Variants in KAZN observed in about 807,000 individuals in gnomAD.
KAZN encodes kazrin, periplakin interacting protein.
In KAZN, 40 loss-of-function variants were observed where a neutral mutation model predicts 87.4. The ratio of observed to expected loss-of-function variants is 0.46; its 90% confidence interval spans 0.36 to 0.60. The LOEUF (loss-of-function observed/expected upper bound fraction) is 0.60. Ranked by LOEUF, KAZN falls within the 20% of genes least tolerant of loss-of-function variation. The pLI is 0.00. For missense variants in KAZN, 898 were observed against 1,073.9 expected (o/e 0.84, Z 2.29); for synonymous variants, 466 against 458.3 (o/e 1.02, Z -0.22).
rs376898873 is a variant in KAZN at position 14,819,010 on chromosome 1, G to A, written c.227-141674G>A. 3.9e-5 allele frequency among the ~76,000 whole-genome samples: 6 copies of A among 152,234 alleles called. No individual in the cohort carries two copies. The South Asian group carries it at 8.3e-4, about 21-fold the overall frequency. On this transcript the variant is annotated intron_variant, in intron 1 of 14. Transcript: ENST00000376030. ...GCAAACGCCGCAGTGAGCCGAGATC[G>A]TGCCATTGCACTCCAGCCTGGGCAA...
chr1:14,808,743 G>T (rs1572539094), intron 1 of KAZN, among the ~76,000 whole-genome samples: 1 of 152,274 alleles, frequency 6.6e-6, no homozygotes, highest in East Asian at 1.9e-4. Context: ...ACAGATAACA[G>T]AATACCCAAC....
chr1:14,792,472 T>A (rs1038994653), intron 1 of KAZN, among the ~76,000 whole-genome samples: 5 of 152,032 alleles, frequency 3.3e-5, no homozygotes, highest in African/African-American at 7.2e-5. Context: ...TTGGAAGAAG[T>A]CTACAGCCAT....
chr1:14,340,968 A>G (rs1279165702), intron 2 of KAZN, among the ~76,000 whole-genome samples: 2 of 135,522 alleles, frequency 1.5e-5, no homozygotes, highest in African/African-American at 5.8e-5. Context: ...ACTCACTGCA[A>G]CCTCTGCCTC....
chr1:14,168,275 T>C (rs6692603), intron 1 of KAZN, among the ~76,000 whole-genome samples: 22,106 of 152,136 alleles, frequency 0.15, 1,824 homozygotes, highest in East Asian at 0.33. Context: ...GCCTTGGTAA[T>C]GCTGGGAACC....
At chr1:14,380,449 C>T (rs1661272284) in intron 2 of KAZN, among the ~76,000 whole-genome samples, 2 of 152,122 alleles carry the variant, frequency 1.3e-5, no homozygotes, top group African/African-American at 2.4e-5. Context: ...GTTGAAGAAA[C>T]TTAAAGAAAT....
chr1:14,667,318 C>G (rs1019837609), intron 1 of KAZN, among the ~76,000 whole-genome samples: 1 of 152,172 alleles, frequency 6.6e-6, no homozygotes, highest in South Asian at 2.1e-4. Flanking sequence ...CTTGAAGGCG[C>G]GGACCTCCAG....
At chr1:14,437,488 C>G (rs1229359735) in intron 2 of KAZN, among the ~76,000 whole-genome samples, 3 of 152,212 alleles carry the variant, frequency 2.0e-5, no homozygotes, top group African/African-American at 7.2e-5. Context: ...TGTTCTCGCT[C>G]TTTCTCACCT....
At chr1:14,140,305 C>T (rs1645208411) in intron 1 of KAZN, among the ~76,000 whole-genome samples, 1 of 152,026 alleles carries the variant, frequency 6.6e-6, no homozygotes, top group Non-Finnish European at 1.5e-5. Flanking sequence ...CAATAAGACA[C>T]ATGGCTATGA....
At chr1:13,936,165 C>T (rs539900437) in intron 1 of KAZN, among the ~76,000 whole-genome samples, 1 of 124,560 alleles carries the variant, frequency 8.0e-6, no homozygotes, top group East Asian at 2.7e-4. Context: ...GGTGCGATCT[C>T]GGCACACCAC....
rs12076696 is a variant in KAZN, at chr1:14,203,330, A to G, written c.249+22738A>G. Among the ~76,000 whole-genome samples, 1,334 of 152,292 alleles carry G rather than the reference A, an allele frequency of 8.8e-3. 14 individuals carry two copies. Among genetic ancestry groups the G allele is most frequent in the African/African-American group, 0.031 (1,274 of 41,554 alleles). On this transcript the variant is annotated intron_variant, in intron 2 of 16. Transcript: ENST00000636203. Reference sequence around the variant, plus strand: ...TAGAGAATGGCTTCAGGGCACAGCCATGAACCTAAGTCGTAAGCCCTTTTC... The same window carrying G: ...TAGAGAATGGCTTCAGGGCACAGCCGTGAACCTAAGTCGTAAGCCCTTTTC...
At chr1:13,946,591 C>G (rs958905632) in intron 1 of KAZN, among the ~76,000 whole-genome samples, 1 of 152,108 alleles carries the variant, frequency 6.6e-6, no homozygotes, top group Non-Finnish European at 1.5e-5. Flanking sequence ...ACAACTGTCC[C>G]CTGCTCCAGT....
At chr1:14,062,129 C>T (rs1362773250) in intron 1 of KAZN, among the ~76,000 whole-genome samples, 2 of 152,104 alleles carry the variant, frequency 1.3e-5, no homozygotes. Flanking sequence ...TATACCAGGA[C>T]ACTTAGCCAC....
intron 1 of KAZN, among the ~76,000 whole-genome samples, chr1:14,043,937 A>C (rs1379787341): frequency 6.6e-6 from 1 of 152,202 alleles, no homozygotes; most frequent in Non-Finnish European, 1.5e-5. Flanking sequence ...ATGTATTGTT[A>C]GCTTGGACAG....
chr1:15,072,614 CCAGA>C (rs1294820685), intron 8 of KAZN, among the ~76,000 whole-genome samples: 1 of 152,222 alleles, frequency 6.6e-6, no homozygotes, highest in African/African-American at 2.4e-5. Flanking sequence ...TAAGCTCTTT[CCAGA>C]CACTCACTCG....
chr1:14,384,739 T>C (rs1571471720), intron 2 of KAZN, among the ~76,000 whole-genome samples: 1 of 151,620 alleles, frequency 6.6e-6, no homozygotes, highest in Non-Finnish European at 1.5e-5. Flanking sequence ...TGAGGATTTT[T>C]GCATCAATGT....
chr1:14,507,216 C>T (rs1019607152), intron 2 of KAZN, among the ~76,000 whole-genome samples: 5 of 152,178 alleles, frequency 3.3e-5, no homozygotes, highest in South Asian at 2.1e-4. Context: ...TTCTGGACCA[C>T]ACTGCTGCAT....
At chr1:14,745,108 T>C (rs932570649) in intron 1 of KAZN, among the ~76,000 whole-genome samples, 1 of 152,140 alleles carries the variant, frequency 6.6e-6, no homozygotes, top group South Asian at 2.1e-4. Flanking sequence ...CCAAAAGGTC[T>C]GGCCAAAAAT....
chr1:14,315,370 T>A (rs1009376205), intron 2 of KAZN, among the ~76,000 whole-genome samples: 12 of 152,148 alleles, frequency 7.9e-5, no homozygotes, highest in African/African-American at 2.7e-4. Flanking sequence ...AAATCAACTT[T>A]GCTCTTTCAA....
intron 2 of KAZN, among the ~76,000 whole-genome samples, chr1:14,294,838 A>G (rs1354127638): frequency 1.3e-5 from 2 of 151,658 alleles, no homozygotes; most frequent in African/African-American, 2.4e-5. Flanking sequence ...TACCAACTCT[A>G]GAGTGCCTAG....
Sources: gnomAD v4.1 joint callset for allele counts (sites outside exome capture counted in the v4.1 genomes callset) on GRCh38, gnomAD v4.1.1 for gene constraint, MANE v1.5 for transcripts, NCBI Gene and HGNC (gene_info 2026-07-23, HGNC 2026-07-21) for gene names.